Variants in DCAF1 observed in about 807,000 individuals in gnomAD.
DCAF1 encodes DDB1 and CUL4 associated factor 1.
Under a neutral mutation model 128.0 loss-of-function variants are expected in DCAF1, and 15 were observed. That is an observed-to-expected ratio of 0.12 (90% CI 0.08 to 0.18). The LOEUF is 0.18. Among genes scored for constraint, DCAF1 ranks in the 10% least tolerant of loss-of-function variants. DCAF1 has a pLI of 1.00. For missense variants in DCAF1, 988 were observed against 1,649.5 expected (o/e 0.60, Z 6.95); for synonymous variants, 610 against 603.0 (o/e 1.01, Z -0.17).
rs1553630525 is a variant in DCAF1, at chr3:51,416,792, C to A, written c.3598G>T (p.Ala1200Ser). 1 of 1,610,150 alleles carries A rather than the reference C, an allele frequency of 6.2e-7. No individual in the cohort carries two copies. The highest frequency in any genetic ancestry group is 8.5e-7 in the Non-Finnish European group (1 of 1,178,158). The part of the protein sequence containing the change: ...DRVIGTKGDI[A>S]HIYDIQTGNK... ...AGTGGTTCTTAAGTACTTACGTGGG[C>A]AATGTCTCCTTTTGTGCCGATGACC... Residue 1200 changes from alanine to serine, a missense_variant, in exon 18 of 25, where the codon GCC (alanine) becomes TCC (serine). Ala to Ser is a moderately conservative substitution (Grantham distance 99, BLOSUM62 1). Transcript: ENST00000684031.
chr3:51,399,438 C>T (rs2089479785), intron 24 of DCAF1, among the ~76,000 whole-genome samples: 1 of 152,158 alleles, frequency 6.6e-6, no homozygotes, highest in Non-Finnish European at 1.5e-5. Context: ...TGCAGCAATA[C>T]AAGAGAAGTA....
chr3:51,457,114 C>G (rs556814415), intron 6 of DCAF1, among the ~76,000 whole-genome samples: 4 of 152,004 alleles, frequency 2.6e-5, no homozygotes, highest in Non-Finnish European at 5.9e-5. Context: ...CAAACTACTC[C>G]GAGCTACAGG....
intron 9 of DCAF1, among the ~76,000 whole-genome samples, chr3:51,435,986 C>A (rs979218326): frequency 1.3e-5 from 2 of 152,210 alleles, no homozygotes; most frequent in Non-Finnish European, 2.9e-5. Flanking sequence ...GTGCACATCA[C>A]AAAGTTTGAT....
chr3:51,396,840 C>CTTGA (rs1347536183), downstream of DCAF1: 1 of 167,116 alleles, frequency 6.0e-6, no homozygotes, highest in African/African-American at 2.4e-5. Context: ...GCTTTCACTA[C>CTTGA]TTGATTGTTA....
At chr3:51,456,982 T>C (rs1702990238) in intron 6 of DCAF1, among the ~76,000 whole-genome samples, 1 of 152,024 alleles carries the variant, frequency 6.6e-6, no homozygotes, top group African/African-American at 2.4e-5. Context: ...GCAGAAAAAC[T>C]GGAAACTCTA....
intron 24 of DCAF1, among the ~76,000 whole-genome samples, chr3:51,399,973 T>A (rs782529179): frequency 5.3e-5 from 8 of 152,160 alleles, no homozygotes; most frequent in Non-Finnish European, 7.3e-5. Context: ...TTCCCAAACC[T>A]TCCTTCATTC....
At chr3:51,495,904 G>A (rs930071781) in intron 2 of DCAF1, among the ~76,000 whole-genome samples, 1 of 151,792 alleles carries the variant, frequency 6.6e-6, no homozygotes, top group African/African-American at 2.4e-5. Flanking sequence ...TGAAGCAAGA[G>A]AACTGCTTGA....
chr3:51,421,621 G>A (rs1553632510), intron 14 of DCAF1, among the ~76,000 whole-genome samples: 1 of 152,094 alleles, frequency 6.6e-6, no homozygotes, highest in Non-Finnish European at 1.5e-5. Flanking sequence ...CGGTTGGGCT[G>A]CTACTGTGGA....
In DCAF1 at chr3:51,412,362, TCTCAAAGACCA is replaced by T; in HGVS notation, c.4212+6_4212+16del. ...TTAAGCACTGTTCAGCAGAAAGAAATCTCAAAGACCACTGACCTGGTCCTCCTCTTCATCCT... is the reference window on the plus strand; with the variant it reads ...TTAAGCACTGTTCAGCAGAAAGAAATCTGACCTGGTCCTCCTCTTCATCCT... On this transcript the variant is annotated splice_donor_region_variant and intron_variant, in intron 23 of 24. Transcript: ENST00000684031. 6.2e-7 allele frequency: 1 copy of T among 1,613,490 alleles called. No homozygotes were observed. The highest frequency in any genetic ancestry group is 1.1e-5 in the South Asian group (1 of 91,068).
chr3:51,470,900 AG>A lies in DCAF1; in HGVS notation c.187+28del. 2.0e-6 allele frequency: 3 copies of A among 1,469,490 alleles called. No individual in the cohort carries two copies. In the South Asian group the frequency reaches 4.1e-5, roughly 20 times the overall value. 91.0% of individuals were successfully genotyped at this position (1,469,490 alleles called of 1,614,324 possible). On this transcript the variant is annotated intron_variant, in intron 4 of 24. Transcript: ENST00000684031. ...AAAAGTGTCTTAAAAGAAAAAAAAA[AG>A]ACCCACACTTAAGAGCACAAATCTT...
rs1207048175 is a variant in DCAF1 at position 51,441,635 on chromosome 3, G to A, written c.776C>T (p.Pro259Leu). Residue 259 changes from proline (P) to leucine (L), a missense_variant, in exon 8 of 25, where the codon CCT (proline) becomes CTT (leucine). By Grantham distance (98) the Pro-to-Leu change is moderately conservative. This residue lies in a region of DCAF1 where 210 missense variants were observed against 260.2 expected (regional missense o/e 0.81). Transcript: ENST00000684031. Reference protein sequence around the residue: ...TSSRVNSTTKPEDGGLKKNKS... With the variant: ...TSSRVNSTTKLEDGGLKKNKS... ...GTTTTTCTTTAATCCTCCATCCTCAGGTTTGGTTGTTGAGTTCACTCTGCT... is the reference window on the plus strand; with the variant it reads ...GTTTTTCTTTAATCCTCCATCCTCAAGTTTGGTTGTTGAGTTCACTCTGCT... 5.6e-6 allele frequency: 9 copies of A among 1,613,786 alleles called. No homozygotes were observed. Among genetic ancestry groups the A allele is most frequent in the Non-Finnish European group, 7.6e-6 (9 of 1,179,876 alleles).
chr3:51,419,380 T>C (rs528375653), intron 15 of DCAF1, among the ~76,000 whole-genome samples: 2 of 151,728 alleles, frequency 1.3e-5, no homozygotes, highest in South Asian at 2.1e-4. Context: ...AAAATTCCCA[T>C]GTTTAAAACC....
At chr3:51,467,050 T>C (rs1553646751) in intron 4 of DCAF1, among the ~76,000 whole-genome samples, 174 bp from the exon 5 acceptor site, 1 of 152,160 alleles carries the variant, frequency 6.6e-6, no homozygotes, top group African/African-American at 2.4e-5. Context: ...AAACATGCTT[T>C]AGGCCAGGCG....
In DCAF1 at chr3:51,441,808, G is replaced by A; in HGVS notation, c.603C>T (p.Leu201=). ...QENKRPSPRK[L]SSEPLLPLDE... ...CCAGAGGCAAAAGGGGTTCAGAAGA[G>A]AGCTTCCGTGGACTGGGACGCTTGT... is the stretch of plus-strand genomic sequence containing the variant. The change falls in exon 8 of 25, where the codon CTC becomes CTT. Residue 201 remains leucine, a synonymous_variant. Coordinates refer to ENST00000684031, the MANE Select transcript of DCAF1 (RefSeq NM_001387579.1). The A allele has an allele frequency of 3.1e-6, 5 of 1,613,866 alleles. No homozygotes were observed. The South Asian group carries it at 4.4e-5, about 14-fold the overall frequency.
intron 7 of DCAF1, among the ~76,000 whole-genome samples, chr3:51,443,340 C>T (rs536599004): frequency 3.9e-5 from 6 of 152,158 alleles, no homozygotes; most frequent in African/African-American, 1.4e-4. Flanking sequence ...CTTGTAATCC[C>T]AGCACTTTGG....
chr3:51,398,487 T>C lies in DCAF1; in HGVS notation c.*282A>G, dbSNP rs1279080808. 5 of 370,166 alleles carry C rather than the reference T, an allele frequency of 1.4e-5. No individual in the cohort carries two copies. Among genetic ancestry groups the C allele is most frequent in the African/African-American group, 1.1e-4 (5 of 47,618 alleles). The allele number at this position is 370,166 out of a possible 1,614,324, so 22.9% of individuals were successfully genotyped here. ...TGAAATACCCCAGAGACATGGTTTT[T>C]TTTTCCCCTTGAAAGATATGTCCAT... On this transcript the variant is annotated 3_prime_UTR_variant, in exon 25 of 25. Transcript: ENST00000684031.
intron 6 of DCAF1, among the ~76,000 whole-genome samples, chr3:51,457,284 C>T (rs1244735959): frequency 1.4e-4 from 21 of 151,682 alleles, no homozygotes; most frequent in Non-Finnish European, 2.1e-4. Flanking sequence ...CCTCAGTAGC[C>T]GATGTGATCA....
At chr3:51,411,085 C>A (rs1256262133) in intron 23 of DCAF1, among the ~76,000 whole-genome samples, 1 of 151,584 alleles carries the variant, frequency 6.6e-6, no homozygotes, top group African/African-American at 2.4e-5. Context: ...TGCTTGAACC[C>A]CAGAGGTGGA....
chr3:51,499,266 G>A (rs1360840493), intron 1 of DCAF1, among the ~76,000 whole-genome samples: 1 of 152,266 alleles, frequency 6.6e-6, no homozygotes, highest in Non-Finnish European at 1.5e-5. Context: ...TTTGACTCCA[G>A]GCTGCGGGAC....
Sources: gnomAD v4.1 joint callset for allele counts (sites outside exome capture counted in the v4.1 genomes callset) on GRCh38, gnomAD v4.1.1 for gene constraint, gnomAD v4.1.1 regional missense constraint, MANE v1.5 for transcripts, NCBI Gene and HGNC (gene_info 2026-07-23, HGNC 2026-07-21) for gene names.